DPP10: variants seen among roughly 807,000 people sequenced by gnomAD.
DPP10 encodes inactive dipeptidyl peptidase 10.
Under a neutral mutation model 120.9 loss-of-function variants are expected in DPP10, and 33 were observed. The ratio of observed to expected loss-of-function variants is 0.27; its 90% confidence interval spans 0.21 to 0.37. The LOEUF (loss-of-function observed/expected upper bound fraction) is 0.37. Ranked by LOEUF, DPP10 falls within the 10% of genes least tolerant of loss-of-function variation. The pLI, the probability that DPP10 is intolerant of heterozygous loss-of-function variation, is 1.00. For missense variants in DPP10, 816 were observed against 942.8 expected, an observed-to-expected ratio of 0.87 and a Z score of 1.76; for synonymous variants, 337 against 326.1, an observed-to-expected ratio of 1.03 and a Z score of -0.36.
intron 1 of DPP10, among the ~76,000 whole-genome samples, chr2:114,595,950 A>G (rs13397494): frequency 0.042 from 6,438 of 152,172 alleles, 469 homozygotes; most frequent in African/African-American, 0.15. Flanking sequence ...TGGTTTGCCA[A>G]TGGTTGCTAT....
chr2:115,018,786 A>C (rs975356911), intron 1 of DPP10, among the ~76,000 whole-genome samples: 1 of 152,122 alleles, frequency 6.6e-6, no homozygotes, highest in Non-Finnish European at 1.5e-5. Flanking sequence ...GGGTGCAGCA[A>C]ACCACCATGG....
At chr2:115,531,018 G>A (rs1363029895) in intron 5 of DPP10, among the ~76,000 whole-genome samples, 1 of 152,124 alleles carries the variant, frequency 6.6e-6, no homozygotes, top group Non-Finnish European at 1.5e-5. Flanking sequence ...TGTATTTTGT[G>A]CCAAAGTCTT....
intron 2 of DPP10, among the ~76,000 whole-genome samples, chr2:115,322,544 T>C (rs917423445): frequency 3.3e-5 from 5 of 152,306 alleles, no homozygotes; most frequent in Admixed American, 6.5e-5. Flanking sequence ...GCCTCTCTTA[T>C]TGTGATAAAC....
At position 114,489,293 on chromosome 2, in the gene DPP10, G is replaced by C. The variant is rs75234839; in HGVS notation, c.60+46455G>C. Reference sequence around the variant, plus strand: ...AACACAGAGACAGCCTTCCTGAGCAGCTGCCAACAGATGCACAGCCCTTGG... The same window carrying C: ...AACACAGAGACAGCCTTCCTGAGCACCTGCCAACAGATGCACAGCCCTTGG... On this transcript the variant is annotated intron_variant, in intron 1 of 25. Transcript: ENST00000410059. Among the ~76,000 whole-genome samples, 29 of 152,240 alleles carry C rather than the reference G, an allele frequency of 1.9e-4. No individual in the cohort carries two copies. In the East Asian group the frequency reaches 5.6e-3, roughly 30 times the overall value.
At chr2:115,712,543 A>ATATATATATATATATATATATATACAT (rs56675119) in intron 7 of DPP10, among the ~76,000 whole-genome samples, 1 of 64,276 alleles carries the variant, frequency 1.6e-5, no homozygotes, top group Admixed American at 2.0e-4. Context: ...TCCTGAATTA[A>ATATATATATATATATATATATATACAT]ATATATATAT....
At chr2:115,213,281 C>T (rs1185660341) in intron 1 of DPP10, among the ~76,000 whole-genome samples, 5 of 151,990 alleles carry the variant, frequency 3.3e-5, no homozygotes, top group East Asian at 3.9e-4. Context: ...ACAGTGTTCT[C>T]GGATAGCACT....
intron 5 of DPP10, among the ~76,000 whole-genome samples, chr2:115,566,050 G>A (rs940193343): frequency 2.0e-5 from 3 of 152,052 alleles, no homozygotes; most frequent in Non-Finnish European, 4.4e-5. Flanking sequence ...GCCTCCCAAA[G>A]TGCTGTAGTT....
chr2:115,458,444 A>T (rs1260335679), intron 3 of DPP10, among the ~76,000 whole-genome samples: 2 of 152,028 alleles, frequency 1.3e-5, no homozygotes, highest in Admixed American at 6.5e-5. Flanking sequence ...ATTTAGACTT[A>T]AAAGAAAAAG....
At chr2:115,762,517 A>G (rs879473229) in intron 11 of DPP10, 55 bp from the exon 12 acceptor site, 147 of 1,600,442 alleles carry the variant, frequency 9.2e-5, no homozygotes, top group Non-Finnish European at 1.2e-4. Context: ...AGTTAAATTT[A>G]TATATGCTCA....
intron 1 of DPP10, among the ~76,000 whole-genome samples, chr2:114,508,611 G>A (rs1268744166): frequency 6.6e-6 from 1 of 152,126 alleles, no homozygotes; most frequent in South Asian, 2.1e-4. Flanking sequence ...CCCAGAAAAA[G>A]GACACTGGGT....
At chr2:115,169,437 A>C (rs2053144920) in intron 1 of DPP10, among the ~76,000 whole-genome samples, 1 of 149,522 alleles carries the variant, frequency 6.7e-6, no homozygotes, top group Non-Finnish European at 1.5e-5. Context: ...TATACACACT[A>C]TACACACACA....
At chr2:115,020,351 G>A (rs1455976534) in intron 1 of DPP10, among the ~76,000 whole-genome samples, 2 of 152,132 alleles carry the variant, frequency 1.3e-5, no homozygotes, top group African/African-American at 2.4e-5. Flanking sequence ...AAAGTGAGCA[G>A]GAGTAGCTAT....
intron 1 of DPP10, among the ~76,000 whole-genome samples, chr2:115,293,365 C>T (rs933183097): frequency 5.3e-5 from 8 of 152,064 alleles, no homozygotes; most frequent in African/African-American, 1.9e-4. Context: ...TAGAGACTCA[C>T]ATATCATGGA....
intron 1 of DPP10, among the ~76,000 whole-genome samples, chr2:114,446,652 G>A (rs1036590941): frequency 2.6e-5 from 4 of 152,144 alleles, no homozygotes; most frequent in Admixed American, 6.5e-5. Flanking sequence ...CCTGCTGCAA[G>A]TTTTTACAAA....
intron 1 of DPP10, among the ~76,000 whole-genome samples, chr2:114,467,711 A>G (rs1465485855): frequency 2.0e-5 from 3 of 152,182 alleles, no homozygotes; most frequent in Non-Finnish European, 4.4e-5. Flanking sequence ...TAATAATACT[A>G]GCTCCTGGCC....
At chr2:114,578,559 C>T (rs1238279206) in intron 1 of DPP10, among the ~76,000 whole-genome samples, 1 of 152,142 alleles carries the variant, frequency 6.6e-6, no homozygotes, top group Non-Finnish European at 1.5e-5. Context: ...AAAATGGAGT[C>T]CTGGCACTGG....
At chr2:115,422,255 A>G (rs1027586646) in intron 3 of DPP10, among the ~76,000 whole-genome samples, 3 of 152,238 alleles carry the variant, frequency 2.0e-5, no homozygotes, top group Non-Finnish European at 2.9e-5. Flanking sequence ...CGATATTTAT[A>G]GCAAAGGCAA....
At position 114,806,561 on chromosome 2, in the gene DPP10, A is replaced by T. The variant is rs187182992; in HGVS notation, c.60+363723A>T. 7.5e-4 allele frequency among the ~76,000 whole-genome samples: 114 copies of T among 152,322 alleles called. 1 individual carries two copies. Among genetic ancestry groups the T allele is most frequent in the African/African-American group, 2.6e-3 (109 of 41,572 alleles). On this transcript the variant is annotated intron_variant, in intron 1 of 25. Coordinates refer to ENST00000410059, the MANE Select transcript of DPP10 (RefSeq NM_020868.6). ...GTAATACCTGGGAATGATATGTGTC[A>T]ATGTGAGTCAAAGAACTTGTTCTTA...
chr2:115,194,154 C>T (rs995959818), intron 1 of DPP10, among the ~76,000 whole-genome samples: 7 of 151,976 alleles, frequency 4.6e-5, no homozygotes, highest in African/African-American at 9.7e-5. Context: ...CTACTTTCTT[C>T]TGTTAGCAAA....
Sources: allele counts gnomAD v4.1 joint callset (sites outside exome capture counted in the v4.1 genomes callset), GRCh38; gene constraint gnomAD v4.1.1; transcripts MANE v1.5; gene names NCBI Gene and HGNC (gene_info 2026-07-23, HGNC 2026-07-21).